The following DSCAM variants were observed in gnomAD, a reference collection of about 807,000 sequenced individuals.
DSCAM encodes DS cell adhesion molecule.
Under a neutral mutation model 217.7 loss-of-function variants are expected in DSCAM, and 47 were observed. The observed-to-expected ratio is 0.22, with a 90% CI of 0.17 to 0.28. The LOEUF is 0.28. DSCAM is among the 10% of genes least tolerant of loss of function. The pLI is 1.00. For missense variants in DSCAM, 2,080 were observed against 2,618.3 expected (o/e 0.79, Z 4.49); for synonymous variants, 1,056 against 1,015.3 (o/e 1.04, Z -0.76).
At position 40,336,548 on chromosome 21, in the gene DSCAM, T is replaced by C. The variant is rs187102366; in HGVS notation, c.1783+1553A>G. The stretch of plus-strand genomic sequence containing the variant: ...AACCAATCATTTCCAAATGATCAAC[T>C]TTTTATGTTACAAAATCATGTGTGG... On this transcript the variant is annotated intron_variant, in intron 8 of 32. Coordinates refer to ENST00000400454, the MANE Select transcript of DSCAM (RefSeq NM_001389.5). Among the ~76,000 whole-genome samples, 202 of 152,346 alleles carry C rather than the reference T, an allele frequency of 1.3e-3. 2 individuals carry two copies. Among genetic ancestry groups the C allele is most frequent in the African/African-American group, 4.6e-3 (193 of 41,580 alleles).
chr21:40,427,381 T>G (rs1179050896), intron 3 of DSCAM, among the ~76,000 whole-genome samples: 2 of 152,236 alleles, frequency 1.3e-5, no homozygotes, highest in Non-Finnish European at 2.9e-5. Context: ...ATTCATATAC[T>G]GACAAACTCA....
intron 3 of DSCAM, among the ~76,000 whole-genome samples, chr21:40,427,368 G>A (rs1429586923): frequency 6.6e-6 from 1 of 152,212 alleles, no homozygotes; most frequent in Non-Finnish European, 1.5e-5. Context: ...CTGGGCATGG[G>A]CCATTCATAT....
At chr21:40,282,590 C>CAAAAAAAAAAAAAAAA (rs528248714) in intron 10 of DSCAM, among the ~76,000 whole-genome samples, 3 of 32,952 alleles carry the variant, frequency 9.1e-5, no homozygotes, top group African/African-American at 1.7e-4. Flanking sequence ...GACTCTGTCT[C>CAAAAAAAAAAAAAAAA]AAAAAAAAAA....
chr21:40,341,706 G>T (rs1340331157), intron 6 of DSCAM, among the ~76,000 whole-genome samples: 1 of 152,078 alleles, frequency 6.6e-6, no homozygotes, highest in Non-Finnish European at 1.5e-5. Context: ...CTTTATATGT[G>T]CATATATATC....
At chr21:40,347,995 T>C (rs1289509861) in intron 5 of DSCAM, 50 bp from the exon 6 acceptor site, 2 of 1,558,424 alleles carry the variant, frequency 1.3e-6, no homozygotes, top group Non-Finnish European at 8.7e-7. Flanking sequence ...CATCACTAGA[T>C]AGCATTTCGA....
In DSCAM at chr21:40,451,389, A is replaced by T. The variant is rs1269226721; in HGVS notation, c.509-82144T>A. The stretch of plus-strand genomic sequence containing the variant: ...TAAAAAGATTAGTGGGGCTGCTTTA[A>T]TGGTTATGAAAGGTAACAGACTTGG... On this transcript the variant is annotated intron_variant, in intron 3 of 32. Coordinates refer to ENST00000400454, the MANE Select transcript of DSCAM (RefSeq NM_001389.5). Among the ~76,000 whole-genome samples the T allele has an allele frequency of 4.6e-5, 7 of 152,182 alleles. No individual in the cohort carries two copies. In the South Asian group the frequency reaches 1.4e-3, roughly 32 times the overall value.
rs149289766 is a variant in DSCAM at position 40,765,768 on chromosome 21, A to C, written c.44-56997T>G. On this transcript the variant is annotated intron_variant, in intron 1 of 32. Transcript: ENST00000400454. ...ACAGAATGGTTGTTTAATTTCTATAACCAAAGCTGACGTCTCATTGCATGA... is the reference window on the plus strand; with the variant it reads ...ACAGAATGGTTGTTTAATTTCTATACCCAAAGCTGACGTCTCATTGCATGA... Among the ~76,000 whole-genome samples, 1,399 of 152,308 alleles carry C rather than the reference A, an allele frequency of 9.2e-3. 21 individuals carry two copies. The highest frequency in any genetic ancestry group is 0.032 in the African/African-American group (1,338 of 41,568).
intron 14 of DSCAM, among the ~76,000 whole-genome samples, chr21:40,183,517 G>T (rs1447750964): frequency 6.6e-6 from 1 of 152,184 alleles, no homozygotes; most frequent in Non-Finnish European, 1.5e-5. Flanking sequence ...CAAGGACTTG[G>T]GGTGTTCAGT....
chr21:40,103,137 G>A (rs2089775890), intron 20 of DSCAM, among the ~76,000 whole-genome samples: 1 of 152,160 alleles, frequency 6.6e-6, no homozygotes, highest in Non-Finnish European at 1.5e-5. Flanking sequence ...GCCATAGGCT[G>A]TTCATGTCAA....
In DSCAM at chr21:40,307,092, TTAAAC is replaced by T. The variant is rs1347979828; in HGVS notation, c.2062+4984_2062+4988del. Among the ~76,000 whole-genome samples, 3 of 152,054 alleles carry T rather than the reference TTAAAC, an allele frequency of 2.0e-5. No homozygotes were observed. The East Asian group carries it at 5.8e-4, about 29-fold the overall frequency. ...GGTCCTGGATTCTTTTTGGATCTAATTAAACTAAAGAGCTTCTGCACAGCAAAAGA... is the reference window on the plus strand; with the variant it reads ...GGTCCTGGATTCTTTTTGGATCTAATTAAAGAGCTTCTGCACAGCAAAAGA... On this transcript the variant is annotated intron_variant, in intron 9 of 32. Coordinates refer to ENST00000400454, the MANE Select transcript of DSCAM (RefSeq NM_001389.5).
At chr21:40,170,788 C>T (rs186171587) in intron 15 of DSCAM, among the ~76,000 whole-genome samples, 7 of 152,280 alleles carry the variant, frequency 4.6e-5, no homozygotes, top group African/African-American at 1.7e-4. Context: ...TTTAGTTACA[C>T]TTAACTGAAT....
intron 3 of DSCAM, among the ~76,000 whole-genome samples, chr21:40,637,632 AAT>A (rs72114529): frequency 2.4e-5 from 1 of 42,230 alleles, no homozygotes; most frequent in African/African-American, 9.4e-5. Context: ...TACATATATA[AAT>A]ATATATAAAT....
At chr21:40,028,429 C>G (rs12483604) in intron 32 of DSCAM, among the ~76,000 whole-genome samples, 100,705 of 150,126 alleles carry the variant, frequency 0.67, 34,871 homozygotes, top group South Asian at 0.72. Context: ...TGGGCAATGG[C>G]GGGCCCCCCT....
intron 11 of DSCAM, among the ~76,000 whole-genome samples, chr21:40,273,448 T>C (rs1278580082): frequency 6.6e-6 from 1 of 152,186 alleles, no homozygotes; most frequent in African/African-American, 2.4e-5. Flanking sequence ...TGTTCTCCTC[T>C]CCCATCTCCT....
At chr21:40,296,767 G>A (rs1262364072) in intron 9 of DSCAM, among the ~76,000 whole-genome samples, 1 of 146,426 alleles carries the variant, frequency 6.8e-6, no homozygotes, top group East Asian at 2.1e-4. Flanking sequence ...GGAAGCGGAG[G>A]TTGCAGTGAG....
At position 40,784,222 on chromosome 21, in the gene DSCAM, G is replaced by A. The variant is rs191452434; in HGVS notation, c.43+62397C>T. On this transcript the variant is annotated intron_variant, in intron 1 of 32. Transcript: ENST00000400454. ...GTGTTATGGGAGAAACCCAGTGGGAGGTAATTGAATCATGGGGGCGGTTTC... is the reference window on the plus strand; with the variant it reads ...GTGTTATGGGAGAAACCCAGTGGGAAGTAATTGAATCATGGGGGCGGTTTC... 7.1e-3 allele frequency among the ~76,000 whole-genome samples: 1,079 copies of A among 152,224 alleles called. 13 individuals are homozygous for A. Among genetic ancestry groups the A allele is most frequent in the African/African-American group, 0.024 (1,017 of 41,526 alleles).
intron 3 of DSCAM, among the ~76,000 whole-genome samples, chr21:40,440,364 CAT>C (rs779827351): frequency 2.0e-3 from 308 of 151,844 alleles, no homozygotes; most frequent in Non-Finnish European, 3.2e-3. Flanking sequence ...ACCTATACCA[CAT>C]GAGGTTGCTG....
intron 1 of DSCAM, among the ~76,000 whole-genome samples, chr21:40,779,540 C>T (rs371971126): frequency 8.5e-5 from 13 of 152,190 alleles, no homozygotes; most frequent in African/African-American, 2.6e-4. Flanking sequence ...ATAAGAGAGG[C>T]GAAGCTGCTG....
chr21:40,282,960 A>G (rs980129843), intron 10 of DSCAM, among the ~76,000 whole-genome samples: 1 of 152,222 alleles, frequency 6.6e-6, no homozygotes, highest in Non-Finnish European at 1.5e-5. Flanking sequence ...TTAAGAAAAC[A>G]TTAAATCTTT....
Sources: gnomAD v4.1 joint callset for allele counts (sites outside exome capture counted in the v4.1 genomes callset) on GRCh38, gnomAD v4.1.1 for gene constraint, MANE v1.5 for transcripts, NCBI Gene and HGNC (gene_info 2026-07-23, HGNC 2026-07-21) for gene names.